BMPER: variants seen among roughly 807,000 people sequenced by gnomAD.
The protein encoded by BMPER is BMP binding endothelial regulator, also known as BMP-binding endothelial regulator protein.
In BMPER, 45 loss-of-function variants were observed where a neutral mutation model predicts 87.3. The ratio of observed to expected loss-of-function variants is 0.52; its 90% confidence interval spans 0.41 to 0.66. The LOEUF is 0.66. Among genes scored for constraint, BMPER ranks in the 30% least tolerant of loss-of-function variants. The pLI is 0.00. For synonymous variants in BMPER, 326 were observed against 316.2 expected (o/e 1.03, Z -0.33); for missense variants, 784 against 867.5 (o/e 0.90, Z 1.21).
intron 3 of BMPER, among the ~76,000 whole-genome samples, chr7:33,964,431 G>C (rs1029323603): frequency 6.6e-6 from 1 of 152,208 alleles, no homozygotes; most frequent in Non-Finnish European, 1.5e-5. Flanking sequence ...ACGTAAACAA[G>C]GGTGGTTAAG....
At chr7:33,959,366 C>T (rs1785217363) in intron 3 of BMPER, among the ~76,000 whole-genome samples, 2 of 152,044 alleles carry the variant, frequency 1.3e-5, no homozygotes, top group African/African-American at 4.8e-5. Context: ...CTTTTAGTGA[C>T]ATTTTCCTGC....
chr7:33,920,414 C>CGCT (rs1784193217), intron 2 of BMPER, among the ~76,000 whole-genome samples: 2 of 104,668 alleles, frequency 1.9e-5, no homozygotes, highest in Non-Finnish European at 3.8e-5. Flanking sequence ...AGGGAAACTC[C>CGCT]GTTGTGTTTT....
intron 2 of BMPER, among the ~76,000 whole-genome samples, chr7:33,913,917 G>C (rs1784025122): frequency 1.3e-5 from 2 of 151,810 alleles, no homozygotes; most frequent in Admixed American, 1.3e-4. Flanking sequence ...ATTCAGTCTG[G>C]TAGGTACGTT....
intron 13 of BMPER, among the ~76,000 whole-genome samples, chr7:34,120,515 C>T (rs1214137195): frequency 6.6e-6 from 1 of 152,108 alleles, no homozygotes; most frequent in Non-Finnish European, 1.5e-5. Flanking sequence ...TCCTTTGCCT[C>T]AGCCTCCTGA....
At chr7:34,068,990 A>G (rs1396605775) in intron 11 of BMPER, among the ~76,000 whole-genome samples, 1 of 152,236 alleles carries the variant, frequency 6.6e-6, no homozygotes, top group Non-Finnish European at 1.5e-5. Flanking sequence ...TTTTTAATAT[A>G]GGTGTAGCAT....
At chr7:33,941,646 G>T (rs1014490173) in intron 3 of BMPER, among the ~76,000 whole-genome samples, 1 of 152,122 alleles carries the variant, frequency 6.6e-6, no homozygotes, top group African/African-American at 2.4e-5. Flanking sequence ...TCACAATAGG[G>T]TTTGTGCTTC....
chr7:33,905,397 G>C, upstream of BMPER: 4 of 391,752 alleles, frequency 1.0e-5, no homozygotes, highest in South Asian at 5.2e-5. Flanking sequence ...GAGCCTGGCC[G>C]CAGGACCCCT....
chr7:34,086,162 G>A lies in BMPER; in HGVS notation c.1745+70G>A, dbSNP rs988371311. 1.8e-5 allele frequency: 27 copies of A among 1,522,518 alleles called. No homozygotes were observed. In the Admixed American group the frequency reaches 4.0e-4, roughly 22 times the overall value. 94.3% of individuals were successfully genotyped at this position (1,522,518 alleles called of 1,614,324 possible). On this transcript the variant is annotated intron_variant, in intron 13 of 14. Transcript: ENST00000649409. ...AATAGACTTGACCTTGGAACATGGTGTATGAAATCTCTTGTTGTGCAGGAC... is the reference window on the plus strand; with the variant it reads ...AATAGACTTGACCTTGGAACATGGTATATGAAATCTCTTGTTGTGCAGGAC...
intron 11 of BMPER, among the ~76,000 whole-genome samples, chr7:34,069,058 A>G (rs373598818): frequency 6.6e-6 from 1 of 152,240 alleles, no homozygotes; most frequent in Admixed American, 6.5e-5. Context: ...AATGCATTTT[A>G]TATAGAAAAA....
intron 13 of BMPER, among the ~76,000 whole-genome samples, chr7:34,141,826 A>G (rs1465814159): frequency 1.3e-5 from 2 of 152,142 alleles, no homozygotes; most frequent in Non-Finnish European, 2.9e-5. Context: ...TTGGGCTGCA[A>G]TAACTTTGTG....
chr7:34,142,668 A>G (rs903153004), intron 13 of BMPER, among the ~76,000 whole-genome samples: 12 of 152,208 alleles, frequency 7.9e-5, no homozygotes, highest in African/African-American at 2.7e-4. Context: ...AAAGACTAAG[A>G]TTCTAAGATA....
chr7:34,117,320 A>G (rs940596420), intron 13 of BMPER, among the ~76,000 whole-genome samples: 1 of 152,190 alleles, frequency 6.6e-6, no homozygotes, highest in African/African-American at 2.4e-5. Flanking sequence ...TTTTTATAAG[A>G]CCACCAGGAT....
intron 2 of BMPER, among the ~76,000 whole-genome samples, chr7:33,924,365 G>A (rs1312567159): frequency 6.6e-6 from 1 of 152,178 alleles, no homozygotes; most frequent in African/African-American, 2.4e-5. Context: ...ATCTTCCCGT[G>A]GCTTCTCCTC....
intron 2 of BMPER, among the ~76,000 whole-genome samples, chr7:33,914,715 G>T (rs1021278559): frequency 6.6e-6 from 1 of 152,084 alleles, no homozygotes; most frequent in African/African-American, 2.4e-5. Flanking sequence ...TTAAAAAAAT[G>T]GGCCTATAAT....
intron 3 of BMPER, among the ~76,000 whole-genome samples, chr7:33,957,171 A>G (rs780924587): frequency 4.6e-5 from 7 of 152,004 alleles, no homozygotes; most frequent in Non-Finnish European, 1.0e-4. Flanking sequence ...CTTTATTTGT[A>G]AAAGGTAAAA....
intron 11 of BMPER, among the ~76,000 whole-genome samples, chr7:34,077,718 G>A (rs1411678191): frequency 6.6e-6 from 1 of 152,114 alleles, no homozygotes; most frequent in Non-Finnish European, 1.5e-5. Flanking sequence ...GAAATTAAAA[G>A]CAAATGTTTC....
At chr7:33,984,070 A>G (rs1236718508) in intron 6 of BMPER, among the ~76,000 whole-genome samples, 1 of 152,212 alleles carries the variant, frequency 6.6e-6, no homozygotes, top group Non-Finnish European at 1.5e-5. Context: ...GACATAATCT[A>G]TAATGCATCT....
At chr7:33,996,654 A>G (rs1786420349) in intron 6 of BMPER, among the ~76,000 whole-genome samples, 1 of 152,222 alleles carries the variant, frequency 6.6e-6, no homozygotes, top group Non-Finnish European at 1.5e-5. Flanking sequence ...TCTGGTAGAA[A>G]TATGGTGTGA....
intron 4 of BMPER, among the ~76,000 whole-genome samples, chr7:33,970,086 T>G (rs1785501628): frequency 6.6e-6 from 1 of 152,108 alleles, no homozygotes; most frequent in Non-Finnish European, 1.5e-5. Context: ...AGCAAGAAAT[T>G]AGGGCCAAAG....
Sources: gnomAD v4.1 joint callset for allele counts (sites outside exome capture counted in the v4.1 genomes callset) on GRCh38, gnomAD v4.1.1 for gene constraint, MANE v1.5 for transcripts, NCBI Gene and HGNC (gene_info 2026-07-23, HGNC 2026-07-21) for gene names.